The following PPP2R2C variants were observed in gnomAD, a reference collection of about 807,000 sequenced individuals.
PPP2R2C encodes the protein protein phosphatase 2, regulatory subunit B, gamma.
PPP2R2C carries 10 observed loss-of-function variants against 45.3 expected under a neutral mutation model. The ratio of observed to expected loss-of-function variants is 0.22; its 90% confidence interval spans 0.14 to 0.37. The LOEUF (loss-of-function observed/expected upper bound fraction) is 0.37. Among genes scored for constraint, PPP2R2C ranks in the 10% least tolerant of loss-of-function variants. The pLI, the probability that PPP2R2C is intolerant of heterozygous loss-of-function variation, is 1.00. For synonymous variants in PPP2R2C, 257 were observed against 245.4 expected (o/e 1.05, Z -0.44); for missense variants, 308 against 619.7 (o/e 0.50, Z 5.34).
chr4:6,547,166 C>CT (rs1379120253), intron 1 of PPP2R2C, among the ~76,000 whole-genome samples: 7 of 152,068 alleles, frequency 4.6e-5, no homozygotes, highest in Middle Eastern at 6.3e-3. Context: ...TCATCTCTCC[C>CT]TTTTTTTTCT....
intron 2 of PPP2R2C, among the ~76,000 whole-genome samples, chr4:6,530,635 C>A (rs920258935): frequency 1.3e-5 from 2 of 152,156 alleles, no homozygotes; most frequent in African/African-American, 4.8e-5. Context: ...GGACCCTGGC[C>A]CCCCACAACA....
At chr4:6,556,143 CGGG>C (rs1369595325) in intron 1 of PPP2R2C, among the ~76,000 whole-genome samples, 1 of 152,110 alleles carries the variant, frequency 6.6e-6, no homozygotes. Flanking sequence ...GTCAACTTGA[CGGG>C]GCCACGGGAT....
Position 6,328,684 on chromosome 4 carries a change from G to A in PPP2R2C, c.1052+578C>T, listed in dbSNP as rs565401040. On this transcript the variant is annotated intron_variant, in intron 8 of 8. Coordinates refer to ENST00000382599, the MANE Select transcript of PPP2R2C (RefSeq NM_020416.4). This position sits in a 1 kb window ranked among gnomAD's most constrained non-coding sequence, Gnocchi z 4.4. The stretch of plus-strand genomic sequence containing the variant: ...AGGAACTCACTTCTGGCACTGGGGC[G>A]CCACTTTCCAGGCAGGTGGGGTTGA... 9.2e-5 allele frequency among the ~76,000 whole-genome samples: 14 copies of A among 152,320 alleles called. No homozygotes were observed. In the East Asian group the frequency reaches 1.9e-3, roughly 21 times the overall value.
At chr4:6,356,296 G>T (rs938321285) in intron 5 of PPP2R2C, among the ~76,000 whole-genome samples, 1 of 152,200 alleles carries the variant, frequency 6.6e-6, no homozygotes, top group East Asian at 1.9e-4. Context: ...GACTAGCTTC[G>T]CATCTGTAGC....
At chr4:6,539,541 T>C (rs946566082) in intron 1 of PPP2R2C, among the ~76,000 whole-genome samples, 1 of 152,162 alleles carries the variant, frequency 6.6e-6, no homozygotes, top group African/African-American at 2.4e-5. Flanking sequence ...TAATATGTTG[T>C]AACATCACAG....
chr4:6,333,765 G>A (rs73204090), intron 6 of PPP2R2C, 34 bp from the exon 7 acceptor site: 62,592 of 1,612,034 alleles, frequency 0.039, 1,493 homozygotes, highest in Non-Finnish European at 0.047. Flanking sequence ...CCGTCACTGC[G>A]CTGCTCCCGC....
In PPP2R2C at chr4:6,378,698, G is replaced by GGGTCAAATGAA. The variant is rs967266167; in HGVS notation, c.169-137_169-127dup. ...GAGCCGTGCCAGGGATCCAATTCGA[G>GGGTCAAATGAA]GGTCAAATGAAACTCTCTGCAGCTT... is the stretch of plus-strand genomic sequence containing the variant. On this transcript the variant is annotated intron_variant, in intron 2 of 8. Coordinates refer to ENST00000382599, the MANE Select transcript of PPP2R2C (RefSeq NM_020416.4). This position sits in a 1 kb window ranked among gnomAD's most constrained non-coding sequence, Gnocchi z 5.2. 2 of 1,030,362 alleles carry GGGTCAAATGAA rather than the reference G, an allele frequency of 1.9e-6. No homozygotes were observed. Among genetic ancestry groups the GGGTCAAATGAA allele is most frequent in the Non-Finnish European group, 2.8e-6 (2 of 702,844 alleles). 63.8% of individuals were successfully genotyped at this position (1,030,362 alleles called of 1,614,324 possible). A position where few individuals can be genotyped will look rare whatever the true frequency, so the allele number is the denominator to read the frequency against.
At chr4:6,470,077 T>C (rs1721787015) in intron 1 of PPP2R2C, among the ~76,000 whole-genome samples, 1 of 152,162 alleles carries the variant, frequency 6.6e-6, no homozygotes, top group African/African-American at 2.4e-5. Flanking sequence ...GAACGGCTCC[T>C]TCAACACCGT....
At chr4:6,462,786 G>T (rs985330239) in intron 1 of PPP2R2C, among the ~76,000 whole-genome samples, 23 of 152,364 alleles carry the variant, frequency 1.5e-4, no homozygotes, top group African/African-American at 5.1e-4. Flanking sequence ...ACGGGGAAAT[G>T]ACAGGAGTCT....
intron 2 of PPP2R2C, among the ~76,000 whole-genome samples, chr4:6,497,389 G>T (rs4505896): frequency 0.26 from 39,559 of 151,916 alleles, 6,493 homozygotes; most frequent in East Asian, 0.57. Flanking sequence ...GGAAATGGCA[G>T]AGTACAGAGA....
chr4:6,493,114 C>T (rs549143463), intron 2 of PPP2R2C, among the ~76,000 whole-genome samples: 142 of 152,252 alleles, frequency 9.3e-4, no homozygotes, highest in Non-Finnish European at 1.8e-3. Flanking sequence ...GCCTCGGCCC[C>T]TCACTTTGCA....
intron 2 of PPP2R2C, among the ~76,000 whole-genome samples, chr4:6,511,003 A>AAAAAAAAAC (rs1560592977): frequency 6.7e-6 from 1 of 148,748 alleles, no homozygotes; most frequent in African/African-American, 2.6e-5. Flanking sequence ...ACAAACAAAA[A>AAAAAAAAAC]AAAAAACAGA....
intron 1 of PPP2R2C, among the ~76,000 whole-genome samples, chr4:6,417,978 C>A (rs1202221075): frequency 1.3e-5 from 2 of 152,140 alleles, no homozygotes; most frequent in Non-Finnish European, 2.9e-5. Flanking sequence ...TGGGACAATG[C>A]CTCCAGCAGG....
chr4:6,475,851 C>A (rs1031776143), upstream of PPP2R2C, among the ~76,000 whole-genome samples: 1 of 152,240 alleles, frequency 6.6e-6, no homozygotes, highest in Non-Finnish European at 1.5e-5. Flanking sequence ...GCCCTAACCC[C>A]CAATGTGATG....
At chr4:6,467,983 C>T (rs753376820) in intron 1 of PPP2R2C, among the ~76,000 whole-genome samples, 13 of 152,192 alleles carry the variant, frequency 8.5e-5, no homozygotes, top group Non-Finnish European at 1.8e-4. Flanking sequence ...CTCCCACATC[C>T]ATTCTGGAAC....
chr4:6,549,710 C>A (rs1206347247), intron 1 of PPP2R2C, among the ~76,000 whole-genome samples: 1 of 152,212 alleles, frequency 6.6e-6, no homozygotes, highest in African/African-American at 2.4e-5. Context: ...ACGGGAGGCA[C>A]CTGCAGCACG....
At chr4:6,466,838 T>G (rs1278034909) in intron 1 of PPP2R2C, among the ~76,000 whole-genome samples, 1 of 152,212 alleles carries the variant, frequency 6.6e-6, no homozygotes. Context: ...AGAAAAACCG[T>G]GCTCTGTGAC....
intron 1 of PPP2R2C, among the ~76,000 whole-genome samples, chr4:6,432,698 A>G (rs2109412743): frequency 6.6e-6 from 1 of 152,370 alleles, no homozygotes; most frequent in South Asian, 2.1e-4. Context: ...CACTACAGGG[A>G]TAGAGAAGGG....
intron 5 of PPP2R2C, among the ~76,000 whole-genome samples, chr4:6,366,906 A>G (rs1186136157): frequency 6.6e-6 from 1 of 152,022 alleles, no homozygotes. Context: ...TGAGAGTTTT[A>G]AGGGGGGCTG....
Sources: allele counts gnomAD v4.1 joint callset (sites outside exome capture counted in the v4.1 genomes callset), GRCh38; gene constraint gnomAD v4.1.1; non-coding constraint Gnocchi (gnomAD v3.1); transcripts MANE v1.5; gene names NCBI Gene and HGNC (gene_info 2026-07-23, HGNC 2026-07-21).